The following MYNN variants were observed in gnomAD, a reference collection of about 807,000 sequenced individuals.
MYNN encodes the protein myoneurin, also known as zinc finger and BTB domain-containing protein 31.
A neutral mutation model predicts 57.2 loss-of-function variants in MYNN; 22 were observed. The observed-to-expected ratio is 0.38, with a 90% CI of 0.27 to 0.55. The LOEUF (loss-of-function observed/expected upper bound fraction) is 0.55, where lower values mean the gene tolerates loss of function less well. MYNN is among the 20% of genes least tolerant of loss of function. The pLI is 0.71. For synonymous variants in MYNN, 241 were observed against 257.1 expected, an observed-to-expected ratio of 0.94 and a Z score of 0.60; for missense variants, 566 against 723.1, an observed-to-expected ratio of 0.78 and a Z score of 2.49.
intron 6 of MYNN, among the ~76,000 whole-genome samples, chr3:169,784,390 T>G (rs550009271): frequency 7.7e-4 from 117 of 152,082 alleles, no homozygotes; most frequent in Non-Finnish European, 1.3e-3. Context: ...TACATTTCTG[T>G]TTATGAAAAT....
At position 169,779,079 on chromosome 3, in the gene MYNN, A is replaced by C. The variant is rs762160662; in HGVS notation, c.578A>C (p.Gln193Pro). ...GCTTTCAACTCCCCGAAAACAGGGC[A>C]GAATAAAACAGTGCAATATCCCAGT... ...KKAFNSPKTGQNKTVQYPSDI... is the reference protein window; with the variant it reads ...KKAFNSPKTGPNKTVQYPSDI... Residue 193 changes from glutamine to proline, a missense_variant, in exon 3 of 8, where the codon CAG (glutamine) becomes CCG (proline). Coordinates refer to ENST00000349841, the MANE Select transcript of MYNN (RefSeq NM_018657.5). 24 of 1,614,084 alleles carry C rather than the reference A, an allele frequency of 1.5e-5. No individual in the cohort carries two copies. Among genetic ancestry groups the C allele is most frequent in the African/African-American group, 1.2e-4 (9 of 74,954 alleles).
chr3:169,774,680 CAAT>C, intron 2 of MYNN, 119 bp downstream of exon 2: 1 of 920,158 alleles, frequency 1.1e-6, no homozygotes. Flanking sequence ...TTTATGCACA[CAAT>C]GTTTGTTTTT....
Position 169,782,960 on chromosome 3 carries a change from C to A in MYNN, c.1399+317C>A, listed in dbSNP as rs995644518. Among the ~76,000 whole-genome samples, 1 of 152,096 alleles carries A rather than the reference C, an allele frequency of 6.6e-6. No homozygotes were observed. Among genetic ancestry groups the A allele is most frequent in the African/African-American group, 2.4e-5 (1 of 41,428 alleles). On this transcript the variant is annotated intron_variant, in intron 5 of 7. Coordinates refer to ENST00000349841, the MANE Select transcript of MYNN (RefSeq NM_018657.5). The surrounding 1 kb of genome is among the most constrained non-coding windows in gnomAD (Gnocchi z 4.8). The stretch of plus-strand genomic sequence containing the variant: ...CCTTTTCAGCTTCCTAAAGGGTCAT[C>A]TCCTATAGTTAGGGTTGGGGAGTGG...
Position 169,780,654 on chromosome 3 carries a change from C to A in MYNN, c.1125C>A (p.Phe375Leu). The A allele has an allele frequency of 1.9e-6, 3 of 1,613,018 alleles. No individual in the cohort carries two copies. The highest frequency in any genetic ancestry group is 2.5e-6 in the Non-Finnish European group (3 of 1,179,580). ...KGFAQKCQLV[F>L]HSRMHHGEEK... ...TTGCTCAGAAATGTCAGCTAGTCTT[C>A]CATAGTCGCATGCATCATGGTGAAG... is the stretch of plus-strand genomic sequence containing the variant. Residue 375 changes from phenylalanine to leucine, a missense_variant, in exon 4 of 8, where the codon TTC (phenylalanine) becomes TTA (leucine). This residue lies in a region of MYNN where 123 missense variants were observed against 222.6 expected (regional missense o/e 0.55). Transcript: ENST00000349841.
rs767730167 is a variant in MYNN at position 169,779,316 on chromosome 3, A to T, written c.815A>T (p.His272Leu). Reference protein sequence around the residue: ...KSQPNCALKEHSMSNIASVKS... With the variant: ...KSQPNCALKELSMSNIASVKS... ...CAGCCAAACTGTGCTCTGAAAGAAC[A>T]CTCTATGTCTAATATAGCCAGCGTC... The change falls in exon 3 of 8, where the codon CAC becomes CTC. Residue 272 changes from histidine (H) to leucine (L), a missense_variant. Physicochemically the swap from His to Leu is moderately conservative, Grantham distance 99. Around this residue, in one of 4 missense-constraint regions of MYNN, gnomAD observed 261 missense variants for 280.8 expected, o/e 0.93. Transcript: ENST00000349841. The T allele has an allele frequency of 2.5e-6, 4 of 1,614,004 alleles. No individual in the cohort carries two copies. The African/African-American group carries it at 5.3e-5, about 22-fold the overall frequency.
intron 2 of MYNN, among the ~76,000 whole-genome samples, chr3:169,775,031 G>A (rs1334527306): frequency 6.6e-6 from 1 of 151,874 alleles, no homozygotes; most frequent in East Asian, 1.9e-4. Context: ...GTAGAGACAG[G>A]GTTTCACCAT....
chr3:169,777,252 T>C (rs971583630), intron 2 of MYNN: 2 of 152,224 alleles, frequency 1.3e-5, no homozygotes, highest in African/African-American at 4.8e-5. Context: ...GTAGATACTG[T>C]AGCATACTTT....
In MYNN at chr3:169,774,313, C is replaced by T. The variant is rs10936599; in HGVS notation, c.18C>T (p.His6=). 0.25 allele frequency: 410,577 copies of T among 1,613,072 alleles called. 58,494 individuals carry two copies. Among genetic ancestry groups the T allele is most frequent in the East Asian group, 0.6 (27,031 of 44,850 alleles). The change falls in exon 2 of 8, where the codon CAC becomes CAT. Residue 6 remains histidine (H), a synonymous_variant. Transcript: ENST00000349841. The part of the protein sequence containing the change: MQYSH[H]CEHLLERLNK... ...ATATCAAAATGCAGTATTCGCACCACTGTGAGCACCTTTTAGAGAGACTGA... is the reference window on the plus strand; with the variant it reads ...ATATCAAAATGCAGTATTCGCACCATTGTGAGCACCTTTTAGAGAGACTGA...
intron 2 of MYNN, among the ~76,000 whole-genome samples, chr3:169,774,814 T>C (rs374647065): frequency 2.6e-5 from 4 of 152,208 alleles, no homozygotes; most frequent in Non-Finnish European, 5.9e-5. Flanking sequence ...ATTTCACTTA[T>C]GTAAACTTGA....
intron 2 of MYNN, among the ~76,000 whole-genome samples, chr3:169,774,931 C>T (rs1174255683): frequency 2.0e-5 from 3 of 152,128 alleles, no homozygotes; most frequent in African/African-American, 4.8e-5. Flanking sequence ...CTCTGCCTCC[C>T]GGGTTCAAGC....
intron 7 of MYNN, among the ~76,000 whole-genome samples, 171 bp from the exon 8 acceptor site, chr3:169,786,245 A>G (rs1398092185): frequency 3.3e-5 from 5 of 152,078 alleles, no homozygotes; most frequent in Non-Finnish European, 7.4e-5. Flanking sequence ...CTTGAGGCCC[A>G]GATTGAATTT....
chr3:169,775,682 G>A (rs145903956), intron 2 of MYNN, among the ~76,000 whole-genome samples: 49 of 151,406 alleles, frequency 3.2e-4, no homozygotes, highest in African/African-American at 7.3e-4. Context: ...CACATTTCTC[G>A]GAGAAAAAAT....
chr3:169,783,410 T>G (rs1199514138), intron 5 of MYNN, 67 bp from the exon 6 acceptor site: 6 of 876,964 alleles, frequency 6.8e-6, no homozygotes, highest in African/African-American at 1.7e-5. Flanking sequence ...TACTTTAGAT[T>G]ATTTGTAATT....
Position 169,789,011 on chromosome 3 carries a change from TA to T in MYNN, c.*2334del, listed in dbSNP as rs1211081075. ...TATTAGTAATTATTTAAGTATTACATATTTTTATGGAAGTCTTTAGAAGGTG... is the reference window on the plus strand; with the variant it reads ...TATTAGTAATTATTTAAGTATTACATTTTTTATGGAAGTCTTTAGAAGGTG... On this transcript the variant is annotated 3_prime_UTR_variant, in exon 8 of 8. Coordinates refer to ENST00000349841, the MANE Select transcript of MYNN (RefSeq NM_018657.5). The T allele has an allele frequency of 6.6e-6, 1 of 152,206 alleles. No homozygotes were observed. Among genetic ancestry groups the T allele is most frequent in the African/African-American group, 2.4e-5 (1 of 41,464 alleles). 9.4% of individuals were successfully genotyped at this position (152,206 alleles called of 1,614,324 possible).
Position 169,783,489 on chromosome 3 carries a change from A to G in MYNN, c.1412A>G (p.Tyr471Cys), listed in dbSNP as rs1247360609. 2 of 1,606,646 alleles carry G rather than the reference A, an allele frequency of 1.2e-6. No homozygotes were observed. Among genetic ancestry groups the G allele is most frequent in the Admixed American group, 3.3e-5 (2 of 59,828 alleles). The change falls in exon 6 of 8, where the codon TAC (tyrosine) becomes TGC (cysteine). Residue 471 changes from tyrosine (Y) to cysteine (C), a missense_variant. Tyr to Cys is a radical substitution (Grantham distance 194). Coordinates refer to ENST00000349841, the MANE Select transcript of MYNN (RefSeq NM_018657.5). ...HSRKHTGEKP[Y>C]ICGICGKSFI... ...ATTTTCCATCTAGGTGAAAAACCAT[A>G]CATATGTGGTATTTGTGGGAAAAGT... is the stretch of plus-strand genomic sequence containing the variant.
intron 2 of MYNN, chr3:169,778,439 TGGA>T (rs1778411215): frequency 5.3e-6 from 1 of 187,646 alleles, no homozygotes; most frequent in Admixed American, 5.4e-5. Context: ...TCAGGATGAA[TGGA>T]GGAGGTAGTG....
chr3:169,779,095 A>G lies in MYNN; in HGVS notation c.594A>G (p.Gln198=), dbSNP rs199670531. ...AAACAGGGCAGAATAAAACAGTGCA[A>G]TATCCCAGTGACATCTTAGAGAATG... is the stretch of plus-strand genomic sequence containing the variant. The part of the protein sequence containing the change: ...SPKTGQNKTV[Q]YPSDILENAS... Residue 198 remains glutamine (Q), a synonymous_variant, in exon 3 of 8, where the codon CAA becomes CAG. Transcript: ENST00000349841. The G allele has an allele frequency of 5.6e-6, 9 of 1,614,204 alleles. No homozygotes were observed. In the East Asian group the frequency reaches 1.1e-4, roughly 20 times the overall value.
At chr3:169,777,367 T>C (rs1778378298) in intron 2 of MYNN, 1 of 152,152 alleles carries the variant, frequency 6.6e-6, no homozygotes, top group Non-Finnish European at 1.5e-5. Context: ...TCAGCTATGA[T>C]TAAAACCCTT....
intron 7 of MYNN, 108 bp from the exon 8 acceptor site, chr3:169,786,308 G>C (rs555561656): frequency 9.5e-7 from 1 of 1,049,644 alleles, no homozygotes; most frequent in Admixed American, 2.4e-5. Context: ...TTGAGTAAAG[G>C]TATGGTGGTT....
Sources: gnomAD v4.1 joint callset for allele counts (sites outside exome capture counted in the v4.1 genomes callset) on GRCh38, gnomAD v4.1.1 for gene constraint, gnomAD v4.1.1 regional missense constraint, Gnocchi (gnomAD v3.1) non-coding constraint, MANE v1.5 for transcripts, NCBI Gene and HGNC (gene_info 2026-07-23, HGNC 2026-07-21) for gene names.